The following MYOF variants were observed in gnomAD, a reference collection of about 807,000 sequenced individuals.
MYOF encodes myoferlin, also known as fer-1-like 3, myoferlin.
In MYOF, 244 loss-of-function variants were observed where a neutral mutation model predicts 284.2. The observed-to-expected ratio is 0.86, with a 90% confidence interval of 0.77 to 0.95. The LOEUF is 0.95. Ranked by LOEUF, MYOF falls within the 40% of genes least tolerant of loss-of-function variation. The pLI is 0.00. For missense variants in MYOF, 2,496 were observed against 2,560.6 expected (o/e 0.97, Z 0.54); for synonymous variants, 904 against 919.7 (o/e 0.98, Z 0.31).
intron 49 of MYOF, among the ~76,000 whole-genome samples, chr10:93,318,494 C>T (rs1455664489): frequency 6.6e-6 from 1 of 152,134 alleles, no homozygotes; most frequent in African/African-American, 2.4e-5. Flanking sequence ...CACGGTGGCT[C>T]ATACCTATAA....
At chr10:93,423,386 G>C (rs1217355336) in intron 5 of MYOF, among the ~76,000 whole-genome samples, 1 of 151,688 alleles carries the variant, frequency 6.6e-6, no homozygotes, top group Non-Finnish European at 1.5e-5. Context: ...AATTAAGCGG[G>C]TGTGGTCGCG....
At chr10:93,427,188 A>C (rs1848628309) in intron 4 of MYOF, among the ~76,000 whole-genome samples, 1 of 145,002 alleles carries the variant, frequency 6.9e-6, no homozygotes. Flanking sequence ...GCCCGGGGAG[A>C]CTCTGTCTTA....
rs71031504 is a variant in MYOF at position 93,354,701 on chromosome 10, CTT to C, written c.3404-815_3404-814del. ...TCTCTCTCTCTCTCTCTCTCTCTCT[CTT>C]TGTGAGATAGCAGAGCATTATGATT... On this transcript the variant is annotated intron_variant, in intron 31 of 53. Transcript: ENST00000359263. Among the ~76,000 whole-genome samples the C allele has an allele frequency of 1.8e-3, 266 of 150,500 alleles. 5 individuals carry two copies. The highest frequency in any genetic ancestry group is 6.0e-3 in the African/African-American group (246 of 40,820).
intron 5 of MYOF, among the ~76,000 whole-genome samples, chr10:93,419,191 A>G (rs1030407432): frequency 1.3e-5 from 2 of 150,778 alleles, no homozygotes; most frequent in African/African-American, 4.9e-5. Flanking sequence ...GAGACGGAGT[A>G]TTGTTCTATC....
chr10:93,317,972 T>C (rs902270795), intron 49 of MYOF, among the ~76,000 whole-genome samples: 1 of 152,174 alleles, frequency 6.6e-6, no homozygotes, highest in Admixed American at 6.5e-5. Context: ...CTGTTATCTG[T>C]TGCTGCCTGA....
At chr10:93,361,783 C>G (rs181542038) in intron 27 of MYOF, among the ~76,000 whole-genome samples, 27 of 152,240 alleles carry the variant, frequency 1.8e-4, no homozygotes, top group African/African-American at 6.5e-4. Context: ...GGGAATAGTA[C>G]TAGGTTCAAT....
At chr10:93,378,653 C>T (rs1845952751) in intron 21 of MYOF, among the ~76,000 whole-genome samples, 2 of 125,600 alleles carry the variant, frequency 1.6e-5, no homozygotes, top group South Asian at 5.8e-4. Flanking sequence ...ATAGGAGTAA[C>T]TTAGTATATG....
intron 48 of MYOF, among the ~76,000 whole-genome samples, chr10:93,320,996 A>C (rs787680): frequency 6.6e-6 from 1 of 151,504 alleles, no homozygotes; most frequent in African/African-American, 2.4e-5. Flanking sequence ...ACACGCAGAC[A>C]GAAAAGATTA....
chr10:93,351,488 G>T lies in MYOF; in HGVS notation c.3747C>A (p.Leu1249=). The change falls in exon 34 of 54, where the codon CTC becomes CTA. Residue 1249 remains leucine, a synonymous_variant. Transcript: ENST00000359263. ...NSEMDITPKL[L]WHPVMNGDKA... ...TGTCTCCATTCATTACTGGGTGCCA[G>T]AGAAGTTTGGGTGTGATGTCCATTT... 1 of 1,614,254 alleles carries T rather than the reference G, an allele frequency of 6.2e-7. No homozygotes were observed. The highest frequency in any genetic ancestry group is 1.7e-5 in the Admixed American group (1 of 60,032).
At chr10:93,409,767 G>C (rs1176725728) in intron 5 of MYOF, 28 bp from the exon 6 acceptor site, 2 of 1,613,034 alleles carry the variant, frequency 1.2e-6, no homozygotes, top group Non-Finnish European at 1.7e-6. Context: ...AACCCAGTGA[G>C]GGATAGCCCT....
At chr10:93,460,767 CA>C (rs757591863) in intron 1 of MYOF, among the ~76,000 whole-genome samples, 124 of 25,252 alleles carry the variant, frequency 4.9e-3, no homozygotes, top group African/African-American at 9.0e-3. Context: ...ACCCCATCTC[CA>C]AAAAAAAAAA....
intron 41 of MYOF, among the ~76,000 whole-genome samples, chr10:93,334,496 A>G (rs1843506096): frequency 6.6e-6 from 1 of 152,190 alleles, no homozygotes; most frequent in African/African-American, 2.4e-5. Flanking sequence ...TAGATCCTTC[A>G]TTAGACTGTG....
chr10:93,322,562 A>T (rs1482616483), intron 48 of MYOF, among the ~76,000 whole-genome samples: 2 of 152,240 alleles, frequency 1.3e-5, no homozygotes, highest in Non-Finnish European at 2.9e-5. Context: ...ATATTGAACA[A>T]CAATGACACT....
intron 32 of MYOF, 114 bp from the exon 33 acceptor site, chr10:93,351,960 AC>A: frequency 1.1e-6 from 1 of 936,508 alleles, no homozygotes; most frequent in Non-Finnish European, 1.5e-6. Flanking sequence ...GGCTCTGACC[AC>A]CTGCCTGGAG....
chr10:93,338,621 A>G (rs564506094), intron 39 of MYOF, among the ~76,000 whole-genome samples: 3 of 152,322 alleles, frequency 2.0e-5, no homozygotes, highest in Admixed American at 2.0e-4. Context: ...GAAAGGCAGG[A>G]GGCATCATGG....
At chr10:93,480,945 A>G (rs950030986) in intron 1 of MYOF, among the ~76,000 whole-genome samples, 2 of 152,160 alleles carry the variant, frequency 1.3e-5, no homozygotes, top group Non-Finnish European at 2.9e-5. Context: ...GAAATGTAGC[A>G]AGGCATGGTC....
intron 32 of MYOF, among the ~76,000 whole-genome samples, chr10:93,352,905 G>A (rs374971781): frequency 7.2e-5 from 11 of 152,250 alleles, no homozygotes; most frequent in African/African-American, 1.2e-4. Context: ...CCTTGAATCT[G>A]CTCAAATTTC....
rs1183140515 is a variant in MYOF at position 93,438,872 on chromosome 10, T to TC, written c.237-7357dup. ...CCTAGGAAGGCCTAGTGACCTGCGC[T>TC]CCCCCCAGGAACTTCCGCTCCTGAC... On this transcript the variant is annotated intron_variant, in intron 3 of 53. Transcript: ENST00000359263. Among the ~76,000 whole-genome samples the TC allele has an allele frequency of 6.6e-5, 10 of 151,740 alleles. No homozygotes were observed. The East Asian group carries it at 7.7e-4, about 12-fold the overall frequency.
intron 48 of MYOF, 54 bp downstream of exon 48, chr10:93,323,024 A>C: frequency 6.6e-7 from 1 of 1,516,120 alleles, no homozygotes; most frequent in Non-Finnish European, 9.2e-7. Flanking sequence ...AAACTCACGA[A>C]GGAGAGAGTC....
Sources: gnomAD v4.1 joint callset for allele counts (sites outside exome capture counted in the v4.1 genomes callset) on GRCh38, gnomAD v4.1.1 for gene constraint, MANE v1.5 for transcripts, NCBI Gene and HGNC (gene_info 2026-07-23, HGNC 2026-07-21) for gene names.